PTPRN2: variants seen among roughly 807,000 people sequenced by gnomAD.
The protein encoded by PTPRN2 is protein tyrosine phosphatase receptor type N2, also known as receptor-type tyrosine-protein phosphatase N2.
Under a neutral mutation model 118.8 loss-of-function variants are expected in PTPRN2, and 74 were observed. The ratio of observed to expected loss-of-function variants is 0.62; its 90% CI spans 0.52 to 0.76. The LOEUF (loss-of-function observed/expected upper bound fraction) is 0.76, where lower values mean the gene tolerates loss of function less well. Ranked by LOEUF, PTPRN2 falls within the 30% of genes least tolerant of loss-of-function variation. The pLI, the probability that PTPRN2 is intolerant of heterozygous loss-of-function variation, is 0.00. For missense variants in PTPRN2, 1,481 were observed against 1,394.4 expected (o/e 1.06, Z -0.99); for synonymous variants, 641 against 608.0 (o/e 1.05, Z -0.80).
At chr7:158,372,066 C>T (rs141827340) in intron 2 of PTPRN2, among the ~76,000 whole-genome samples, 15 of 152,310 alleles carry the variant, frequency 9.8e-5, no homozygotes, top group Non-Finnish European at 1.6e-4. Flanking sequence ...CCACACCTTC[C>T]GGGGATGAGC....
At chr7:158,549,057 G>A (rs537288710) in intron 1 of PTPRN2, among the ~76,000 whole-genome samples, 5 of 152,328 alleles carry the variant, frequency 3.3e-5, no homozygotes, top group African/African-American at 7.2e-5. Context: ...CAGGGGGGCC[G>A]AGGGAGCAGG....
Position 158,577,896 on chromosome 7 carries a change from C to T in PTPRN2, c.112+9662G>A, listed in dbSNP as rs559020627. ...GCACTGGGCCCTAACACAGACCCTGCACTGCCCGGCCACCTCCCTCTCCCC... is the reference window on the plus strand; with the variant it reads ...GCACTGGGCCCTAACACAGACCCTGTACTGCCCGGCCACCTCCCTCTCCCC... On this transcript the variant is annotated intron_variant, in intron 1 of 22. Coordinates refer to ENST00000389418, the MANE Select transcript of PTPRN2 (RefSeq NM_002847.5). 1.1e-4 allele frequency among the ~76,000 whole-genome samples: 17 copies of T among 152,308 alleles called. No homozygotes were observed. The South Asian group carries it at 3.5e-3, about 32-fold the overall frequency.
At chr7:157,626,816 C>A (rs971868446) in intron 14 of PTPRN2, among the ~76,000 whole-genome samples, 2 of 152,166 alleles carry the variant, frequency 1.3e-5, no homozygotes, top group Admixed American at 1.3e-4. Flanking sequence ...AAAACACTGC[C>A]TTTGAATCTT....
chr7:158,336,895 C>A (rs1371874253), intron 2 of PTPRN2, among the ~76,000 whole-genome samples: 1 of 104,564 alleles, frequency 9.6e-6, no homozygotes, highest in African/African-American at 3.3e-5. Context: ...CACACCCACA[C>A]TCTCACCATA....
chr7:158,449,370 A>G (rs996180824), intron 2 of PTPRN2, among the ~76,000 whole-genome samples: 2 of 152,234 alleles, frequency 1.3e-5, no homozygotes, highest in Non-Finnish European at 2.9e-5. Context: ...AGATACAATC[A>G]TGCTATAGTT....
chr7:158,214,174 T>C (rs1158788180), intron 3 of PTPRN2, among the ~76,000 whole-genome samples: 3 of 152,092 alleles, frequency 2.0e-5, no homozygotes, highest in Non-Finnish European at 4.4e-5. Flanking sequence ...GGAGAAAATA[T>C]AACCCTGGGA....
intron 12 of PTPRN2, among the ~76,000 whole-genome samples, chr7:157,867,003 C>T (rs113314344): frequency 9.0e-3 from 159 of 17,632 alleles, no homozygotes; most frequent in African/African-American, 0.015. Flanking sequence ...GCCACCACCC[C>T]GTCCCTGACG....
chr7:158,536,807 A>G (rs557333722), intron 1 of PTPRN2, among the ~76,000 whole-genome samples: 16 of 144,512 alleles, frequency 1.1e-4, no homozygotes, highest in African/African-American at 3.9e-4. Context: ...GCCTGCCATC[A>G]CTGAGACAAG....
chr7:157,661,490 C>A (rs1392308745), intron 13 of PTPRN2, among the ~76,000 whole-genome samples: 1 of 127,328 alleles, frequency 7.9e-6, no homozygotes, highest in East Asian at 2.1e-4. Flanking sequence ...TGCTCTAGCC[C>A]GGCGCTGCTC....
At chr7:157,913,099 T>C (rs2128763325) in intron 11 of PTPRN2, among the ~76,000 whole-genome samples, 1 of 152,364 alleles carries the variant, frequency 6.6e-6, no homozygotes, top group East Asian at 1.9e-4. Flanking sequence ...CAACATCTTT[T>C]AAGTTTTATA....
intron 16 of PTPRN2, among the ~76,000 whole-genome samples, chr7:157,599,371 ACTGAT>A (rs1801532927): frequency 6.6e-6 from 1 of 152,194 alleles, no homozygotes; most frequent in South Asian, 2.1e-4. Flanking sequence ...CCCTTGGTTG[ACTGAT>A]TCTTATGAAG....
chr7:158,311,716 C>T (rs1801749848), intron 3 of PTPRN2, among the ~76,000 whole-genome samples: 1 of 152,238 alleles, frequency 6.6e-6, no homozygotes, highest in Admixed American at 6.5e-5. Context: ...ATGAAGACGA[C>T]AGGCAGAAGC....
intron 2 of PTPRN2, among the ~76,000 whole-genome samples, chr7:158,324,805 C>CG (rs1803350616): frequency 6.6e-6 from 1 of 152,014 alleles, no homozygotes; most frequent in Non-Finnish European, 1.5e-5. Flanking sequence ...ATTGGAGCAC[C>CG]GGAAAGCTGT....
At chr7:158,294,973 G>A (rs1348117054) in intron 3 of PTPRN2, among the ~76,000 whole-genome samples, 2 of 143,264 alleles carry the variant, frequency 1.4e-5, no homozygotes, top group East Asian at 2.0e-4. Context: ...CACGGCGCCC[G>A]CTGACCCTGC....
At chr7:157,735,105 C>T (rs142372929) in intron 12 of PTPRN2, among the ~76,000 whole-genome samples, 7 of 152,304 alleles carry the variant, frequency 4.6e-5, no homozygotes, top group South Asian at 2.1e-4. Flanking sequence ...TGCTGGGGAG[C>T]GCCGTGTGCT....
rs956616934 is a variant in PTPRN2 at position 158,133,860 on chromosome 7, C to A, written c.1373G>T (p.Gly458Val). The A allele has an allele frequency of 7.4e-6, 12 of 1,613,878 alleles. No individual in the cohort carries two copies. The highest frequency in any genetic ancestry group is 1.0e-5 in the Non-Finnish European group (12 of 1,180,026). ...KSQTYSKDLL[G>V]QQPHSEPGAA... ...CCCGGGCTCCGAATGCGGCTGCTGCCCCAGCAGATCTTTGGAATACGTCTG... is the reference window on the plus strand; with the variant it reads ...CCCGGGCTCCGAATGCGGCTGCTGCACCAGCAGATCTTTGGAATACGTCTG... The change falls in exon 9 of 23, where the codon GGG becomes GTG. Residue 458 changes from glycine to valine, a missense_variant. Around this residue, in one of 3 missense-constraint regions of PTPRN2, gnomAD observed 1,115 missense variants for 994.2 expected, o/e 1.12. Transcript: ENST00000389418.
intron 14 of PTPRN2, among the ~76,000 whole-genome samples, chr7:157,631,635 A>G (rs552157047): frequency 6.6e-6 from 1 of 152,218 alleles, no homozygotes; most frequent in Non-Finnish European, 1.5e-5. Context: ...GATCGAGTCC[A>G]TCCTGGCTAA....
intron 2 of PTPRN2, among the ~76,000 whole-genome samples, chr7:158,422,754 C>A (rs1394917169): frequency 6.6e-6 from 1 of 151,918 alleles, no homozygotes; most frequent in South Asian, 2.1e-4. Context: ...TCTGGGGCCA[C>A]CATTGGGATG....
chr7:158,210,491 C>T (rs1015111893), intron 3 of PTPRN2, among the ~76,000 whole-genome samples: 2 of 151,822 alleles, frequency 1.3e-5, no homozygotes, highest in African/African-American at 4.8e-5. Flanking sequence ...AGAAATAAAT[C>T]AAGTTGGAAT....
Sources: allele counts gnomAD v4.1 joint callset (sites outside exome capture counted in the v4.1 genomes callset), GRCh38; gene constraint gnomAD v4.1.1; regional missense constraint gnomAD v4.1.1; transcripts MANE v1.5; gene names NCBI Gene and HGNC (gene_info 2026-07-23, HGNC 2026-07-21).